Variants in ITGBL1 observed in about 807,000 individuals in gnomAD.
ITGBL1 encodes the protein integrin subunit beta like 1, also known as integrin beta-like protein 1.
Under a neutral mutation model 68.5 loss-of-function variants are expected in ITGBL1, and 51 were observed. That is an observed-to-expected ratio of 0.74 (90% CI 0.59 to 0.94). The LOEUF is 0.94. ITGBL1 is among the 40% of genes least tolerant of loss of function. The pLI is 0.00. For synonymous variants in ITGBL1, 209 were observed against 227.3 expected, an observed-to-expected ratio of 0.92 and a Z score of 0.72; for missense variants, 649 against 647.4, an observed-to-expected ratio of 1.00 and a Z score of -0.03.
chr13:101,474,650 C>G (rs915689306), intron 2 of ITGBL1, among the ~76,000 whole-genome samples: 2 of 152,154 alleles, frequency 1.3e-5, no homozygotes, highest in Non-Finnish European at 2.9e-5. Context: ...GGGACTGACC[C>G]AGAGTAGTCC....
In ITGBL1 at chr13:101,680,956, G is replaced by T. The variant is rs552987408; in HGVS notation, c.1016-11629G>T. Among the ~76,000 whole-genome samples the T allele has an allele frequency of 1.6e-4, 24 of 152,196 alleles. 1 individual carries two copies. The highest frequency in any genetic ancestry group is 5.8e-4 in the African/African-American group (24 of 41,552). On this transcript the variant is annotated intron_variant, in intron 7 of 10. Coordinates refer to ENST00000376180, the MANE Select transcript of ITGBL1 (RefSeq NM_004791.3). ...TAAGACTCAACCCCACATTATCTTTGCCAGAACCTTTCTCTAACCCTGCAG... is the reference window on the plus strand; with the variant it reads ...TAAGACTCAACCCCACATTATCTTTTCCAGAACCTTTCTCTAACCCTGCAG...
Position 101,471,798 on chromosome 13 carries a change from CT to C in ITGBL1, c.316+17699del, listed in dbSNP as rs532464622. On this transcript the variant is annotated intron_variant, in intron 2 of 10. Coordinates refer to ENST00000376180, the MANE Select transcript of ITGBL1 (RefSeq NM_004791.3). ...ACATGCACTTTATATCCAAACATCA[CT>C]GGGCAAAAGGAGCCACAGGCCCAAG... Among the ~76,000 whole-genome samples, 484 of 151,966 alleles carry C rather than the reference CT, an allele frequency of 3.2e-3. 4 individuals carry two copies. The highest frequency in any genetic ancestry group is 0.011 in the African/African-American group (462 of 41,532).
intron 7 of ITGBL1, among the ~76,000 whole-genome samples, chr13:101,604,845 AATATATATATATATATATAT>A (rs1555361671): frequency 6.8e-5 from 2 of 29,362 alleles, no homozygotes; most frequent in African/African-American, 1.1e-4. Context: ...AGGTGAAGGC[AATATATATATATATATATAT>A]ATATATATAT....
chr13:101,489,998 A>C (rs2048752944), intron 2 of ITGBL1: 1 of 1,461,160 alleles, frequency 6.8e-7, no homozygotes, highest in African/African-American at 1.4e-5. Flanking sequence ...GCATTTAATA[A>C]AGGTAAGTAG....
intron 7 of ITGBL1, among the ~76,000 whole-genome samples, chr13:101,675,525 C>T (rs930451235): frequency 6.6e-6 from 1 of 152,120 alleles, no homozygotes; most frequent in Non-Finnish European, 1.5e-5. Context: ...CACATGATCT[C>T]TTCTCTTTAA....
chr13:101,544,772 C>A (rs1299430315), intron 2 of ITGBL1, among the ~76,000 whole-genome samples: 2 of 152,188 alleles, frequency 1.3e-5, no homozygotes, highest in Non-Finnish European at 2.9e-5. Flanking sequence ...CCTCCCCGAG[C>A]CTTGCTGCTG....
At chr13:101,675,731 T>C (rs1594972745) in intron 7 of ITGBL1, among the ~76,000 whole-genome samples, 2 of 152,022 alleles carry the variant, frequency 1.3e-5, no homozygotes, top group Non-Finnish European at 2.9e-5. Flanking sequence ...GTAAATGTCT[T>C]ATCCATTATT....
rs73564281 is a variant in ITGBL1 at position 101,714,381 on chromosome 13, C to T, written c.1280-57C>T. On this transcript the variant is annotated intron_variant, in intron 9 of 10. Transcript: ENST00000376180. ...GTCAGTGTGTCAACGATATTCTATT[C>T]GAGATGGAAACCTTTAGTTATAAGG... 2.5e-5 allele frequency: 25 copies of T among 981,268 alleles called. No individual in the cohort carries two copies. In the African/African-American group the frequency reaches 2.9e-4, roughly 11 times the overall value. The allele number at this position is 981,268 out of a possible 1,614,324, so 60.8% of individuals were successfully genotyped here.
chr13:101,718,389 A>G (rs1464519008), downstream of ITGBL1: 1 of 152,064 alleles, frequency 6.6e-6, no homozygotes, highest in African/African-American at 2.4e-5. Flanking sequence ...TATGATAGAA[A>G]CTCCCTCTAA....
At chr13:101,671,078 C>T (rs531211694) in intron 7 of ITGBL1, among the ~76,000 whole-genome samples, 20 of 152,276 alleles carry the variant, frequency 1.3e-4, no homozygotes, top group Admixed American at 1.2e-3. Flanking sequence ...TTGTCATCTA[C>T]TGTTACAGTT....
intron 6 of ITGBL1, among the ~76,000 whole-genome samples, chr13:101,589,634 G>A (rs945109951): frequency 3.3e-5 from 5 of 152,248 alleles, no homozygotes; most frequent in Admixed American, 2.6e-4. Flanking sequence ...TAGGGCTAAG[G>A]TCTTTTATCC....
chr13:101,666,579 T>C (rs2033224175), intron 7 of ITGBL1, among the ~76,000 whole-genome samples: 1 of 152,204 alleles, frequency 6.6e-6, no homozygotes, highest in South Asian at 2.1e-4. Flanking sequence ...GTTTGATCTG[T>C]ACCACTGGCT....
At chr13:101,483,332 G>A (rs184679247) in intron 2 of ITGBL1, among the ~76,000 whole-genome samples, 246 of 152,264 alleles carry the variant, frequency 1.6e-3, no homozygotes, top group African/African-American at 5.5e-3. Context: ...TGTCAAGGTT[G>A]CAATTAATTT....
chr13:101,557,165 A>G (rs1040306497), intron 2 of ITGBL1, among the ~76,000 whole-genome samples: 2 of 152,200 alleles, frequency 1.3e-5, no homozygotes, highest in African/African-American at 2.4e-5. Flanking sequence ...ACTTAGGATG[A>G]AGAACGCAGC....
intron 7 of ITGBL1, among the ~76,000 whole-genome samples, chr13:101,606,321 C>T (rs748214350): frequency 6.6e-6 from 1 of 151,034 alleles, no homozygotes; most frequent in African/African-American, 2.4e-5. Flanking sequence ...TGATGTCTTA[C>T]ATTCTGTATC....
chr13:101,595,827 G>A (rs1186216165), intron 6 of ITGBL1, among the ~76,000 whole-genome samples: 1 of 152,104 alleles, frequency 6.6e-6, no homozygotes, highest in Non-Finnish European at 1.5e-5. Context: ...TATGATCTAG[G>A]AATTTCTGGA....
At chr13:101,667,828 G>A (rs1204334958) in intron 7 of ITGBL1, among the ~76,000 whole-genome samples, 1 of 151,716 alleles carries the variant, frequency 6.6e-6, no homozygotes, top group African/African-American at 2.4e-5. Context: ...TGGCATAGTT[G>A]GCCAGAAATC....
chr13:101,651,923 A>T (rs1254259293), intron 7 of ITGBL1, among the ~76,000 whole-genome samples: 1 of 152,082 alleles, frequency 6.6e-6, no homozygotes, highest in Non-Finnish European at 1.5e-5. Flanking sequence ...CTCATTAAGT[A>T]AGGAGTTCTT....
chr13:101,573,426 A>T (rs1322826161), intron 3 of ITGBL1, among the ~76,000 whole-genome samples: 4 of 152,188 alleles, frequency 2.6e-5, no homozygotes, highest in Non-Finnish European at 4.4e-5. Flanking sequence ...TGATCTGGGT[A>T]ACAGAATCAT....
Sources: gnomAD v4.1 joint callset for allele counts (sites outside exome capture counted in the v4.1 genomes callset) on GRCh38, gnomAD v4.1.1 for gene constraint, MANE v1.5 for transcripts, NCBI Gene and HGNC (gene_info 2026-07-23, HGNC 2026-07-21) for gene names.